DCAF8L2: variants seen among roughly 807,000 people sequenced by gnomAD.
DCAF8L2 encodes DDB1 and CUL4 associated factor 8 like 2, also known as DDB1- and CUL4-associated factor 8-like protein 2.
For missense variants in DCAF8L2, 430 were observed against 490.7 expected (o/e 0.88, Z 1.17); for synonymous variants, 200 against 190.9 (o/e 1.05, Z -0.39).
At chrX:27,574,626 A>G in the DCAF8L2 span, among the ~76,000 whole-genome samples, 1 of 112,081 alleles carries the variant, frequency 8.9e-6, no homozygotes, top group African/African-American at 3.2e-5. Flanking sequence ...TAGTGTAGCA[A>G]TGGCTTCCAA....
At chrX:27,626,081 A>G (rs1190125115) in intron 1 of DCAF8L2, among the ~76,000 whole-genome samples, 2 of 112,190 alleles carry the variant, frequency 1.8e-5, no homozygotes, top group Admixed American at 1.9e-4. Context: ...TGATGTTACC[A>G]GAGCCCAAGA....
chrX:27,668,609 C>T (rs1339464828), intron 2 of DCAF8L2, among the ~76,000 whole-genome samples: 1 of 111,645 alleles, frequency 9.0e-6, no homozygotes, highest in Non-Finnish European at 1.9e-5. Flanking sequence ...TTAAGAACTA[C>T]GCCTTGGAGA....
In DCAF8L2 at chrX:27,622,282, G is replaced by A. The variant is rs1163559757; in HGVS notation, c.-341-9597G>A. ...TACTAAAAATACAAAAAAATTAGCCGGGCGTAGTGGCGGACACCTGTATTC... is the reference window on the plus strand; with the variant it reads ...TACTAAAAATACAAAAAAATTAGCCAGGCGTAGTGGCGGACACCTGTATTC... On this transcript the variant is annotated intron_variant, in intron 1 of 4. Transcript: ENST00000451261. Among the ~76,000 whole-genome samples the A allele has an allele frequency of 1.2e-4, 12 of 100,234 alleles. No individual in the cohort carries two copies. In the Admixed American group the frequency reaches 1.2e-3, roughly 10 times the overall value. The allele number at this position is 100,234 out of a possible 115,157, so 87.0% of individuals were successfully genotyped here.
the DCAF8L2 span, among the ~76,000 whole-genome samples, chrX:27,532,917 A>G: frequency 3.8e-5 from 4 of 104,093 alleles, no homozygotes; most frequent in South Asian, 9.2e-4. Flanking sequence ...CTCTACTAAA[A>G]ATACAAAAAA....
intron 2 of DCAF8L2, among the ~76,000 whole-genome samples, chrX:27,661,463 TAGTC>T (rs1929556342): frequency 9.0e-6 from 1 of 111,594 alleles, no homozygotes; most frequent in African/African-American, 3.3e-5. Flanking sequence ...TGGTTGCTTC[TAGTC>T]AGTCAGCCAC....
intron 4 of DCAF8L2, among the ~76,000 whole-genome samples, chrX:27,736,832 C>A (rs1921549439): frequency 9.3e-6 from 1 of 107,187 alleles, no homozygotes; most frequent in Non-Finnish European, 1.9e-5. Context: ...TTATGGTAAG[C>A]CTAAAATATT....
the DCAF8L2 span, among the ~76,000 whole-genome samples, chrX:27,526,688 T>A: frequency 1.8e-5 from 2 of 112,654 alleles, no homozygotes; most frequent in Non-Finnish European, 3.7e-5. Context: ...GATGGTGATG[T>A]ACAGATGTGG....
At chrX:27,714,621 G>C (rs1931634999) in intron 3 of DCAF8L2, among the ~76,000 whole-genome samples, 1 of 112,021 alleles carries the variant, frequency 8.9e-6, no homozygotes, top group Non-Finnish European at 1.9e-5. Flanking sequence ...TTCTATGGCA[G>C]CCAACATTAC....
chrX:27,574,001 T>A, the DCAF8L2 span, among the ~76,000 whole-genome samples: 1 of 110,410 alleles, frequency 9.1e-6, no homozygotes. Context: ...GGCTAATTTT[T>A]AAAATTTTTA....
At chrX:27,586,044 A>T (rs190193001), upstream of DCAF8L2, among the ~76,000 whole-genome samples, 8 of 111,267 alleles carry the variant, frequency 7.2e-5, no homozygotes, top group Admixed American at 7.7e-4. Flanking sequence ...TTGGTTGCTC[A>T]AATAAACCTC....
the DCAF8L2 span, among the ~76,000 whole-genome samples, chrX:27,508,360 T>C: frequency 9.0e-6 from 1 of 110,558 alleles, no homozygotes; most frequent in Non-Finnish European, 1.9e-5. Context: ...TAATATGAAG[T>C]AGAAGTTCAG....
At chrX:27,548,762 A>G in the DCAF8L2 span, among the ~76,000 whole-genome samples, 1 of 112,033 alleles carries the variant, frequency 8.9e-6, no homozygotes, top group Non-Finnish European at 1.9e-5. Flanking sequence ...CAATCACAAT[A>G]ATCTCTATCT....
At chrX:27,514,287 G>GTGTGCATATGTGCACATATGTACCTATA in the DCAF8L2 span, among the ~76,000 whole-genome samples, 43 of 35,226 alleles carry the variant, frequency 1.2e-3, 9 homozygotes, top group Middle Eastern at 0.014. Context: ...ATGTACATAT[G>GTGTGCATATGTGCACATATGTACCTATA]TGTGTGCATA....
the DCAF8L2 span, among the ~76,000 whole-genome samples, chrX:27,580,300 A>T: frequency 9.0e-6 from 1 of 111,485 alleles, no homozygotes; most frequent in Non-Finnish European, 1.9e-5. Flanking sequence ...CCTGGTTTCA[A>T]TGGGGAAAAA....
chrX:27,531,627 T>C, the DCAF8L2 span, among the ~76,000 whole-genome samples: 1 of 112,063 alleles, frequency 8.9e-6, no homozygotes. Context: ...AAAAACTGTC[T>C]GAGAAATAGA....
At chrX:27,599,542 A>C (rs1926539681) in intron 1 of DCAF8L2, among the ~76,000 whole-genome samples, 1 of 111,810 alleles carries the variant, frequency 8.9e-6, no homozygotes, top group African/African-American at 3.3e-5. Context: ...CATCATGAAA[A>C]AAATTGAATT....
intron 2 of DCAF8L2, among the ~76,000 whole-genome samples, chrX:27,660,086 G>A (rs1319467076): frequency 1.8e-5 from 2 of 111,524 alleles, no homozygotes; most frequent in East Asian, 2.8e-4. Context: ...GCAACGGCGC[G>A]ATCTCAGCTC....
chrX:27,506,724 C>G, the DCAF8L2 span, among the ~76,000 whole-genome samples: 1 of 111,331 alleles, frequency 9.0e-6, no homozygotes, highest in African/African-American at 3.3e-5. Context: ...TAGTCTCACT[C>G]TATCACCAAG....
At chrX:27,729,703 G>A (rs1921076561) in intron 4 of DCAF8L2, among the ~76,000 whole-genome samples, 1 of 111,499 alleles carries the variant, frequency 9.0e-6, no homozygotes, top group Non-Finnish European at 1.9e-5. Context: ...TTTTAAAAGG[G>A]CACTAGTCCC....
Sources: gnomAD v4.1 joint callset for allele counts (sites outside exome capture counted in the v4.1 genomes callset) on GRCh38, gnomAD v4.1.1 for gene constraint, MANE v1.5 for transcripts, NCBI Gene and HGNC (gene_info 2026-07-23, HGNC 2026-07-21) for gene names.